LRRC4C: variants seen among roughly 807,000 people sequenced by gnomAD.
LRRC4C encodes the protein leucine-rich repeat-containing protein 4C.
LRRC4C carries 5 observed loss-of-function variants against 33.6 expected under a neutral mutation model. The ratio of observed to expected loss-of-function variants is 0.15; its 90% CI spans 0.08 to 0.31. LRRC4C has a LOEUF of 0.31. Ranked by LOEUF, LRRC4C falls within the 10% of genes least tolerant of loss-of-function variation. LRRC4C has a pLI of 1.00. For synonymous variants in LRRC4C, 329 were observed against 302.0 expected, an observed-to-expected ratio of 1.09 and a Z score of -0.93; for missense variants, 560 against 796.7, an observed-to-expected ratio of 0.70 and a Z score of 3.58.
chr11:41,042,974 T>C (rs1172739590), intron 1 of LRRC4C, among the ~76,000 whole-genome samples: 1 of 148,516 alleles, frequency 6.7e-6, no homozygotes, highest in Non-Finnish European at 1.5e-5. Flanking sequence ...ACCTTTGCAT[T>C]CCAATGAACT....
At chr11:40,921,905 C>CA (rs2136367794) in intron 2 of LRRC4C, among the ~76,000 whole-genome samples, 1 of 152,188 alleles carries the variant, frequency 6.6e-6, no homozygotes, top group East Asian at 1.9e-4. Flanking sequence ...TCCTTATAAA[C>CA]CACACTTGAA....
intron 2 of LRRC4C, among the ~76,000 whole-genome samples, chr11:40,840,486 A>C (rs1312028795): frequency 1.3e-5 from 2 of 152,228 alleles, no homozygotes; most frequent in African/African-American, 2.4e-5. Flanking sequence ...GTGACTAATA[A>C]ATTTTTACAA....
At chr11:40,828,510 T>C (rs1952265737) in intron 2 of LRRC4C, among the ~76,000 whole-genome samples, 1 of 151,904 alleles carries the variant, frequency 6.6e-6, no homozygotes, top group Non-Finnish European at 1.5e-5. Context: ...GCTTTAGTCT[T>C]TGACTTACAT....
intron 1 of LRRC4C, among the ~76,000 whole-genome samples, chr11:40,954,611 G>A (rs987513023): frequency 1.3e-5 from 2 of 151,826 alleles, no homozygotes; most frequent in African/African-American, 2.4e-5. Flanking sequence ...ACCATATAAA[G>A]TATGGTTAAT....
chr11:40,576,171 G>A (rs1056190773), intron 3 of LRRC4C, among the ~76,000 whole-genome samples: 2 of 152,174 alleles, frequency 1.3e-5, no homozygotes, highest in African/African-American at 4.8e-5. Flanking sequence ...GAGGGATGAA[G>A]GAAGATAAAA....
At chr11:40,911,528 C>T (rs1394319432) in intron 2 of LRRC4C, among the ~76,000 whole-genome samples, 1 of 152,140 alleles carries the variant, frequency 6.6e-6, no homozygotes, top group Non-Finnish European at 1.5e-5. Context: ...AGGACATCCA[C>T]ACCAAAACCC....
At position 40,595,904 on chromosome 11, in the gene LRRC4C, A is replaced by G. The variant is rs909825239; in HGVS notation, c.-270+52238T>C. On this transcript the variant is annotated intron_variant, in intron 3 of 6. Coordinates refer to ENST00000528697, the MANE Select transcript of LRRC4C (RefSeq NM_001258419.2). ...GGAATTAGCTGGGGGAAAGAAGTCT[A>G]TAGCGACGGGGTAGTACTTGAAAAA... Among the ~76,000 whole-genome samples, 5 of 152,286 alleles carry G rather than the reference A, an allele frequency of 3.3e-5. No homozygotes were observed. In the East Asian group the frequency reaches 5.8e-4, roughly 18 times the overall value.
At chr11:40,893,009 G>GT (rs1554989614) in intron 2 of LRRC4C, among the ~76,000 whole-genome samples, 2 of 151,454 alleles carry the variant, frequency 1.3e-5, no homozygotes, top group African/African-American at 2.4e-5. Flanking sequence ...ATCTCTATGT[G>GT]TTTTTTTTCT....
chr11:40,369,736 A>G (rs1214707950), intron 3 of LRRC4C, among the ~76,000 whole-genome samples: 6 of 152,224 alleles, frequency 3.9e-5, no homozygotes, highest in Non-Finnish European at 4.4e-5. Context: ...ACATGTATAC[A>G]TTGTGGGATG....
intron 1 of LRRC4C, among the ~76,000 whole-genome samples, chr11:41,194,830 A>T (rs1780577414): frequency 6.6e-6 from 1 of 152,140 alleles, no homozygotes; most frequent in South Asian, 2.1e-4. Context: ...AATTCACCAC[A>T]TTTATAGTAA....
At chr11:40,620,637 C>T (rs995536349) in intron 3 of LRRC4C, among the ~76,000 whole-genome samples, 3 of 151,772 alleles carry the variant, frequency 2.0e-5, no homozygotes, top group Non-Finnish European at 2.9e-5. Context: ...TTGTCACTTA[C>T]TCTAGACTAA....
chr11:40,535,176 A>C (rs1956420733), intron 3 of LRRC4C, among the ~76,000 whole-genome samples: 1 of 152,192 alleles, frequency 6.6e-6, no homozygotes, highest in Non-Finnish European at 1.5e-5. Flanking sequence ...ATTTCTAAGA[A>C]ATTAATTTTC....
intron 1 of LRRC4C, among the ~76,000 whole-genome samples, chr11:40,954,110 T>G (rs999983799): frequency 1.3e-5 from 2 of 151,916 alleles, no homozygotes; most frequent in Non-Finnish European, 1.5e-5. Context: ...AGGCATCTAC[T>G]GCATAGAACT....
chr11:40,180,227 A>G (rs745545385), intron 5 of LRRC4C, among the ~76,000 whole-genome samples: 4 of 152,254 alleles, frequency 2.6e-5, no homozygotes, highest in African/African-American at 4.8e-5. Context: ...TTCTTAAAGA[A>G]TGTTTTTACA....
At chr11:41,058,271 G>T (rs142647065) in intron 1 of LRRC4C, among the ~76,000 whole-genome samples, 18 of 152,350 alleles carry the variant, frequency 1.2e-4, no homozygotes, top group African/African-American at 4.1e-4. Flanking sequence ...GTTCCCCAGT[G>T]CCAGCCGTGG....
At chr11:41,086,339 G>A (rs775930329) in intron 1 of LRRC4C, among the ~76,000 whole-genome samples, 3 of 151,930 alleles carry the variant, frequency 2.0e-5, no homozygotes, top group Non-Finnish European at 2.9e-5. Flanking sequence ...CTTATATATT[G>A]TATTATATAT....
At chr11:40,250,724 G>A (rs1356015122) in intron 4 of LRRC4C, among the ~76,000 whole-genome samples, 5 of 152,062 alleles carry the variant, frequency 3.3e-5, no homozygotes, top group African/African-American at 1.2e-4. Flanking sequence ...GGGTGACAGA[G>A]TGAGATTCTG....
At chr11:40,360,504 A>G (rs1438497603) in intron 3 of LRRC4C, among the ~76,000 whole-genome samples, 5 of 152,198 alleles carry the variant, frequency 3.3e-5, no homozygotes, top group Non-Finnish European at 7.3e-5. Context: ...CTATTTCTTA[A>G]CAAATGGGGC....
At chr11:40,585,596 A>G (rs953923364) in intron 3 of LRRC4C, among the ~76,000 whole-genome samples, 16 of 142,524 alleles carry the variant, frequency 1.1e-4, no homozygotes, top group Non-Finnish European at 1.2e-4. Context: ...AGCATTAGGT[A>G]TATCTCCCAA....
Sources: allele counts gnomAD v4.1 joint callset (sites outside exome capture counted in the v4.1 genomes callset), GRCh38; gene constraint gnomAD v4.1.1; transcripts MANE v1.5; gene names NCBI Gene and HGNC (gene_info 2026-07-23, HGNC 2026-07-21).